Variants in MYO6 observed in about 807,000 individuals in gnomAD.
The protein encoded by MYO6 is unconventional myosin-VI.
A neutral mutation model predicts 178.7 loss-of-function variants in MYO6; 74 were observed. That is an observed-to-expected ratio of 0.41 (90% CI 0.34 to 0.50). The LOEUF (loss-of-function observed/expected upper bound fraction) is 0.50, where lower values mean the gene tolerates loss of function less well. MYO6 is among the 20% of genes least tolerant of loss of function. MYO6 has a pLI of 0.09. For missense variants in MYO6, 1,330 were observed against 1,547.4 expected (o/e 0.86, Z 2.36); for synonymous variants, 477 against 504.6 (o/e 0.95, Z 0.73).
chr6:75,787,724 C>CTATATA (rs1562158496), intron 1 of MYO6, among the ~76,000 whole-genome samples: 7 of 24,408 alleles, frequency 2.9e-4, no homozygotes, highest in Non-Finnish European at 4.5e-4. Flanking sequence ...CTCTCTCTCT[C>CTATATA]TCTCTCTATA....
chr6:75,884,144 C>T (rs779199859), intron 23 of MYO6, among the ~76,000 whole-genome samples: 10 of 151,984 alleles, frequency 6.6e-5, no homozygotes, highest in Admixed American at 5.2e-4. Context: ...ACAGTGGTAC[C>T]GAAGTCAGTA....
intron 19 of MYO6, among the ~76,000 whole-genome samples, chr6:75,871,526 A>G (rs762561321): frequency 6.6e-6 from 1 of 152,226 alleles, no homozygotes; most frequent in Non-Finnish European, 1.5e-5. Context: ...CTGGCATTTC[A>G]GGCGTGAGCC....
At chr6:75,887,069 A>G (rs1778493662) in intron 25 of MYO6, 75 bp downstream of exon 25, 3 of 1,418,042 alleles carry the variant, frequency 2.1e-6, no homozygotes, top group Non-Finnish European at 3.0e-6. Context: ...TTGAAATTGT[A>G]TAGAAAACGT....
rs9360942 is a variant in MYO6, at chr6:75,817,254, A to G, written c.-47-247A>G. Reference sequence around the variant, plus strand: ...TGGGAGGCGGAGCTTGCAGTGAGCCAGGATTGTGCCACCGCACTCCAGCCT... The same window carrying G: ...TGGGAGGCGGAGCTTGCAGTGAGCCGGGATTGTGCCACCGCACTCCAGCCT... On this transcript the variant is annotated intron_variant, in intron 1 of 34. Coordinates refer to ENST00000369977, the MANE Select transcript of MYO6 (RefSeq NM_004999.4). 0.1 allele frequency among the ~76,000 whole-genome samples: 15,456 copies of G among 149,296 alleles called. 956 individuals carry two copies. The highest frequency in any genetic ancestry group is 0.14 in the Non-Finnish European group (9,454 of 67,626).
At chr6:75,846,995 T>G (rs1774790742) in intron 10 of MYO6, among the ~76,000 whole-genome samples, 1 of 152,158 alleles carries the variant, frequency 6.6e-6, no homozygotes, top group Non-Finnish European at 1.5e-5. Context: ...TTTGACTAAT[T>G]AAACCCTTTG....
chr6:75,809,257 G>A (rs1001323154), intron 1 of MYO6, among the ~76,000 whole-genome samples: 32 of 152,196 alleles, frequency 2.1e-4, no homozygotes, highest in African/African-American at 6.8e-4. Flanking sequence ...TTGGGGTTCC[G>A]AGATTTTTTT....
intron 11 of MYO6, among the ~76,000 whole-genome samples, chr6:75,852,434 C>A (rs1288608095): frequency 1.3e-5 from 2 of 151,938 alleles, no homozygotes; most frequent in Non-Finnish European, 2.9e-5. Flanking sequence ...CAGAGTTGTG[C>A]AACCATCACC....
chr6:75,914,957 G>A lies in MYO6; in HGVS notation c.3803G>A (p.Ser1268Asn), dbSNP rs1465183083. 4 of 1,614,052 alleles carry A rather than the reference G, an allele frequency of 2.5e-6. No homozygotes were observed. The Admixed American group carries it at 5.0e-5, about 20-fold the overall frequency. ...GIQYLQNAIE[S>N]RQARPTYATA... ...CAGTACCTTCAGAATGCGATTGAGA[G>A]CAGACAGGCTCGGCCCACCTATGCA... The change falls in exon 35 of 35, where the codon AGC becomes AAC. Residue 1268 changes from serine to asparagine, a missense_variant. Coordinates refer to ENST00000369977, the MANE Select transcript of MYO6 (RefSeq NM_004999.4).
chr6:75,891,287 A>G lies in MYO6; in HGVS notation c.2927A>G (p.Asp976Gly). Residue 976 changes from aspartate (D) to glycine (G), a missense_variant, in exon 27 of 35, where the codon GAT becomes GGT. Physicochemically the swap from Asp to Gly is moderately conservative, Grantham distance 94. Around this residue, in one of 3 missense-constraint regions of MYO6, gnomAD observed 601 missense variants for 626.1 expected, o/e 0.96. Transcript: ENST00000369977. Reference sequence around the variant, plus strand: ...GAAGAAGAGAGAAAGAAAAGGGAAGATGATGAAAAACGCATTCAAGTATGT... The same window carrying G: ...GAAGAAGAGAGAAAGAAAAGGGAAGGTGATGAAAAACGCATTCAAGTATGT... ...QEEEERKKRE[D>G]DEKRIQAEVE... 1.9e-6 allele frequency: 3 copies of G among 1,608,514 alleles called. No individual in the cohort carries two copies. The highest frequency in any genetic ancestry group is 2.6e-6 in the Non-Finnish European group (3 of 1,176,366).
intron 1 of MYO6, among the ~76,000 whole-genome samples, chr6:75,787,693 TC>T (rs1423001135): frequency 2.4e-5 from 1 of 41,948 alleles, no homozygotes; most frequent in East Asian, 7.7e-4. Context: ...TCTCTCTCTC[TC>T]TCTCTCTCTC....
At chr6:75,867,406 G>T in intron 18 of MYO6, 1 of 268,910 alleles carries the variant, frequency 3.7e-6, no homozygotes, top group Non-Finnish European at 7.1e-6. Context: ...TTTCCCATGT[G>T]TTTTCTGTTT....
Position 75,890,253 on chromosome 6 carries a change from A to G in MYO6, c.2855A>G (p.Glu952Gly). Reference protein sequence around the residue: ...EDEKRRRKEEEERRMKLEMEA... With the variant: ...EDEKRRRKEEGERRMKLEMEA... ...GAAAAACGTCGAAGAAAGGAAGAGG[A>G]GGAAAGGCGGATGTGAGGCATTTAT... Residue 952 changes from glutamate (E) to glycine (G), a missense_variant, in exon 26 of 35, where the codon GAG becomes GGG. Coordinates refer to ENST00000369977, the MANE Select transcript of MYO6 (RefSeq NM_004999.4). 6.2e-7 allele frequency: 1 copy of G among 1,613,702 alleles called. No individual in the cohort carries two copies. The highest frequency in any genetic ancestry group is 8.5e-7 in the Non-Finnish European group (1 of 1,179,632).
At chr6:75,779,968 G>A (rs1281327718) in intron 1 of MYO6, among the ~76,000 whole-genome samples, 3 of 152,044 alleles carry the variant, frequency 2.0e-5, no homozygotes, top group African/African-American at 7.2e-5. Flanking sequence ...ACTGCTGTAT[G>A]TACTGTCTCT....
chr6:75,844,964 G>A lies in MYO6; in HGVS notation c.884G>A (p.Arg295His), dbSNP rs771731646. Reference sequence around the variant, plus strand: ...ACTGACAAACAGATTTTACAGAACCGCAAAAGTCCTGAGGTATAGTAGACC... The same window carrying A: ...ACTGACAAACAGATTTTACAGAACCACAAAAGTCCTGAGGTATAGTAGACC... ...KETDKQILQN[R>H]KSPEYLKAGS... is the part of the protein sequence containing the mutation. The change falls in exon 10 of 35, where the codon CGC (arginine) becomes CAC (histidine). Residue 295 changes from arginine (R) to histidine (H), a missense_variant. Transcript: ENST00000369977. 25 of 1,611,536 alleles carry A rather than the reference G, an allele frequency of 1.6e-5. No homozygotes were observed. The highest frequency in any genetic ancestry group is 1.3e-4 in the South Asian group (12 of 90,996).
At chr6:75,764,473 T>C (rs984332443) in intron 1 of MYO6, among the ~76,000 whole-genome samples, 3 of 152,174 alleles carry the variant, frequency 2.0e-5, no homozygotes, top group African/African-American at 4.8e-5. Flanking sequence ...AATTTACTAT[T>C]TGGAATTACA....
At chr6:75,858,426 T>C (rs1296842507) in intron 13 of MYO6, among the ~76,000 whole-genome samples, 1 of 152,100 alleles carries the variant, frequency 6.6e-6, no homozygotes, top group African/African-American at 2.4e-5. Flanking sequence ...GGTAACATGG[T>C]GAAACCCTGT....
chr6:75,873,596 G>T (rs955243241), intron 20 of MYO6, among the ~76,000 whole-genome samples: 75 of 152,112 alleles, frequency 4.9e-4, no homozygotes, highest in African/African-American at 1.8e-3. Flanking sequence ...GAAAAGCATA[G>T]ATGGCAAATT....
intron 26 of MYO6, among the ~76,000 whole-genome samples, chr6:75,890,631 C>T (rs1428527670): frequency 6.6e-6 from 1 of 152,204 alleles, no homozygotes; most frequent in Non-Finnish European, 1.5e-5. Flanking sequence ...AGGCGTGAGC[C>T]ACCGTGCTCG....
chr6:75,822,158 C>T (rs955207333), intron 2 of MYO6, among the ~76,000 whole-genome samples: 6 of 151,418 alleles, frequency 4.0e-5, no homozygotes, highest in Admixed American at 6.6e-5. Flanking sequence ...AGTGCAATGG[C>T]ATGATCTCGG....
Sources: gnomAD v4.1 joint callset for allele counts (sites outside exome capture counted in the v4.1 genomes callset) on GRCh38, gnomAD v4.1.1 for gene constraint, gnomAD v4.1.1 regional missense constraint, MANE v1.5 for transcripts, NCBI Gene and HGNC (gene_info 2026-07-23, HGNC 2026-07-21) for gene names.